The following NBAS variants were observed in gnomAD, a reference collection of about 807,000 sequenced individuals.
The protein encoded by NBAS is NBAS subunit of NRZ tethering complex.
NBAS carries 219 observed loss-of-function variants against 302.5 expected under a neutral mutation model. The observed-to-expected ratio is 0.72, with a 90% confidence interval of 0.65 to 0.81. The LOEUF (loss-of-function observed/expected upper bound fraction) is 0.81. NBAS is among the 30% of genes least tolerant of loss of function. NBAS has a pLI of 0.00. For missense variants in NBAS, 2,932 were observed against 2,841.6 expected (o/e 1.03, Z -0.72); for synonymous variants, 1,118 against 1,021.6 (o/e 1.09, Z -1.80).
At chr2:15,258,227 T>C (rs1194049845) in intron 44 of NBAS, among the ~76,000 whole-genome samples, 1 of 152,208 alleles carries the variant, frequency 6.6e-6, no homozygotes, top group Non-Finnish European at 1.5e-5. Context: ...AGGATGTACC[T>C]CACCTCAGAT....
At chr2:15,124,111 G>A in the NBAS span, among the ~76,000 whole-genome samples, 1 of 152,216 alleles carries the variant, frequency 6.6e-6, no homozygotes, top group Admixed American at 6.5e-5. Context: ...GGAACTGGAG[G>A]GAAGCTCACC....
chr2:14,919,509 A>G, the NBAS span, among the ~76,000 whole-genome samples: 1 of 152,184 alleles, frequency 6.6e-6, no homozygotes. Context: ...TGCTGCATCC[A>G]TTGACTCTTG....
chr2:15,116,032 C>T, the NBAS span, among the ~76,000 whole-genome samples: 4 of 152,116 alleles, frequency 2.6e-5, no homozygotes, highest in African/African-American at 9.7e-5. Context: ...GAAAACAAGC[C>T]AAGTGGCTGC....
the NBAS span, among the ~76,000 whole-genome samples, chr2:14,846,515 A>C: frequency 7.2e-5 from 10 of 139,234 alleles, no homozygotes; most frequent in Admixed American, 6.8e-4. Context: ...AATAGTAAGT[A>C]CACAAAAAAC....
the NBAS span, among the ~76,000 whole-genome samples, chr2:14,878,374 C>T: frequency 6.6e-6 from 1 of 152,102 alleles, no homozygotes; most frequent in Admixed American, 6.6e-5. Flanking sequence ...CACAGTTGTG[C>T]CAAATTAAAG....
intron 11 of NBAS, among the ~76,000 whole-genome samples, chr2:15,489,870 G>A (rs1680782483): frequency 6.6e-6 from 1 of 152,154 alleles, no homozygotes; most frequent in Non-Finnish European, 1.5e-5. Flanking sequence ...TCCCATTCAG[G>A]CATTTGTTAA....
the NBAS span, among the ~76,000 whole-genome samples, chr2:14,988,700 T>C: frequency 6.6e-6 from 1 of 152,164 alleles, no homozygotes; most frequent in Non-Finnish European, 1.5e-5. Flanking sequence ...TCTTTCATAC[T>C]CAGACTAATT....
chr2:15,039,547 C>T, the NBAS span, among the ~76,000 whole-genome samples: 1 of 152,168 alleles, frequency 6.6e-6, no homozygotes, highest in African/African-American at 2.4e-5. Context: ...TGCACCACAG[C>T]TCAATATTCT....
the NBAS span, among the ~76,000 whole-genome samples, chr2:14,808,291 A>T: frequency 2.9e-4 from 44 of 152,206 alleles, no homozygotes; most frequent in African/African-American, 9.6e-4. Flanking sequence ...CTTCATTGCT[A>T]TATCCACTAC....
At chr2:14,907,935 TG>T in the NBAS span, among the ~76,000 whole-genome samples, 1 of 152,232 alleles carries the variant, frequency 6.6e-6, no homozygotes, top group African/African-American at 2.4e-5. Flanking sequence ...TGATTGCTTT[TG>T]TCCTGGAGCA....
chr2:14,807,759 C>T, the NBAS span, among the ~76,000 whole-genome samples: 1 of 152,104 alleles, frequency 6.6e-6, no homozygotes, highest in Admixed American at 6.5e-5. Flanking sequence ...CCATTCAATA[C>T]CTACATGAGC....
the NBAS span, among the ~76,000 whole-genome samples, chr2:15,121,722 CA>C: frequency 0.098 from 10,299 of 105,470 alleles, 878 homozygotes; most frequent in East Asian, 0.36. Flanking sequence ...TGCAGATATA[CA>C]AAAAAAATTT....
At chr2:14,823,739 T>C in the NBAS span, among the ~76,000 whole-genome samples, 2 of 152,374 alleles carry the variant, frequency 1.3e-5, no homozygotes, top group Admixed American at 6.5e-5. Context: ...TGCTTTTTTT[T>C]CCTAATAAAT....
At chr2:15,504,100 A>G (rs1411660721) in intron 11 of NBAS, 45 bp downstream of exon 11, 1 of 1,508,122 alleles carries the variant, frequency 6.6e-7, no homozygotes. Flanking sequence ...ACTTCAGGGT[A>G]AAAATGTTTG....
At chr2:15,303,576 A>T (rs1012240786) in intron 40 of NBAS, among the ~76,000 whole-genome samples, 1 of 152,230 alleles carries the variant, frequency 6.6e-6, no homozygotes, top group South Asian at 2.1e-4. Flanking sequence ...GGTTTCCTGC[A>T]GAGTGACTGT....
the NBAS span, among the ~76,000 whole-genome samples, chr2:14,918,549 T>C: frequency 6.6e-6 from 1 of 152,162 alleles, no homozygotes; most frequent in Non-Finnish European, 1.5e-5. Flanking sequence ...ACAGGATCAT[T>C]TTCATGTCTA....
chr2:15,471,594 C>G (rs932452905), intron 16 of NBAS, among the ~76,000 whole-genome samples: 1 of 152,098 alleles, frequency 6.6e-6, no homozygotes, highest in African/African-American at 2.4e-5. Flanking sequence ...TACAAAGATG[C>G]CAAAGGTTAA....
the NBAS span, among the ~76,000 whole-genome samples, chr2:15,150,571 C>T: frequency 6.6e-6 from 1 of 152,182 alleles, no homozygotes; most frequent in South Asian, 2.1e-4. Context: ...ATACCTGGCC[C>T]TTCCTGAGTC....
In NBAS at chr2:15,427,627, A is replaced by G. The variant is rs952636438; in HGVS notation, c.2423+84T>C. 1.5e-5 allele frequency: 17 copies of G among 1,152,452 alleles called. No individual in the cohort carries two copies. In the Admixed American group the frequency reaches 2.2e-4, roughly 15 times the overall value. The allele number at this position is 1,152,452 out of a possible 1,614,324, so 71.4% of individuals were successfully genotyped here. ...AGGGAGTGTCATCAAGTAAGGTTTC[A>G]TTGGTCAGACACCACTTTCACAGGG... On this transcript the variant is annotated intron_variant, in intron 22 of 51. Transcript: ENST00000281513.
Sources: allele counts gnomAD v4.1 joint callset (sites outside exome capture counted in the v4.1 genomes callset), GRCh38; gene constraint gnomAD v4.1.1; transcripts MANE v1.5; gene names NCBI Gene and HGNC (gene_info 2026-07-23, HGNC 2026-07-21).